Variants in TG observed in about 807,000 individuals in gnomAD.
The protein encoded by TG is thyroglobulin, also known as thyroid hormones.
TG carries 270 observed loss-of-function variants against 324.7 expected under a neutral mutation model. The observed-to-expected ratio is 0.83, with a 90% CI of 0.75 to 0.92. The LOEUF is 0.92. Ranked by LOEUF, TG falls within the 40% of genes least tolerant of loss-of-function variation. The pLI is 0.00. For synonymous variants in TG, 1,401 were observed against 1,327.0 expected (o/e 1.06, Z -1.21); for missense variants, 3,591 against 3,456.4 (o/e 1.04, Z -0.98).
At chr8:132,890,531 A>C (rs950422359) in intron 10 of TG, among the ~76,000 whole-genome samples, 7 of 152,182 alleles carry the variant, frequency 4.6e-5, no homozygotes, top group Non-Finnish European at 8.8e-5. Flanking sequence ...GGGGAATTCA[A>C]TGCAGCCAAA....
Position 132,898,787 on chromosome 8 carries a change from C to G in TG, c.3218-11C>G, listed in dbSNP as rs367874685. On this transcript the variant is annotated splice_polypyrimidine_tract_variant and intron_variant, in intron 13 of 47. Transcript: ENST00000220616. ...CGACCAGTCCTTTACAAGCACCTCT[C>G]TCTCCCACAGGCCCGACAACCTGCG... is the stretch of plus-strand genomic sequence containing the variant. 1.2e-4 allele frequency: 187 copies of G among 1,613,306 alleles called. No homozygotes were observed. In the African/African-American group the frequency reaches 2.3e-3, roughly 20 times the overall value.
At chr8:133,020,362 C>T (rs1016766639) in intron 39 of TG, among the ~76,000 whole-genome samples, 1 of 152,354 alleles carries the variant, frequency 6.6e-6, no homozygotes. Flanking sequence ...AGGGGCCAGC[C>T]TCCTGGACAC....
chr8:133,002,912 A>G, intron 35 of TG: 1 of 779,498 alleles, frequency 1.3e-6, no homozygotes, highest in Non-Finnish European at 1.6e-6. Flanking sequence ...CCATGGTAAC[A>G]CCTGTGGGTT....
intron 8 of TG, among the ~76,000 whole-genome samples, chr8:132,885,080 T>C (rs1815192622): frequency 6.6e-6 from 1 of 150,580 alleles, no homozygotes; most frequent in Non-Finnish European, 1.5e-5. Flanking sequence ...TTGGCTGACT[T>C]TCTTTTTGGC....
Position 132,886,934 on chromosome 8 carries a change from C to A in TG, c.1562C>A (p.Pro521Gln). The A allele has an allele frequency of 6.2e-7, 1 of 1,614,184 alleles. No individual in the cohort carries two copies. The highest frequency in any genetic ancestry group is 1.3e-5 in the African/African-American group (1 of 75,052). Residue 521 changes from proline to glutamine, a missense_variant, in exon 9 of 48, where the codon CCA (proline) becomes CAA (glutamine). Transcript: ENST00000220616. Reference sequence around the variant, plus strand: ...GGGAGACAAGAAGATTTGGCCAAGCCACTCTCTGTGGGATTAGATTCAAAT... The same window carrying A: ...GGGAGACAAGAAGATTTGGCCAAGCAACTCTCTGTGGGATTAGATTCAAAT... ...NGGRQEDLAK[P>Q]LSVGLDSNSS...
At chr8:133,100,807 C>CT (rs1462651814) in intron 43 of TG, among the ~76,000 whole-genome samples, 1 of 152,012 alleles carries the variant, frequency 6.6e-6, no homozygotes, top group Non-Finnish European at 1.5e-5. Context: ...TACCCACATT[C>CT]TTTTTTTTCT....
chr8:132,965,392 A>G (rs1299656052), intron 29 of TG, among the ~76,000 whole-genome samples: 1 of 152,194 alleles, frequency 6.6e-6, no homozygotes, highest in African/African-American at 2.4e-5. Context: ...TGCTTTATGA[A>G]GTGTGGAAAA....
chr8:133,058,421 A>C (rs1841856977), intron 41 of TG, among the ~76,000 whole-genome samples: 1 of 152,218 alleles, frequency 6.6e-6, no homozygotes, highest in Non-Finnish European at 1.5e-5. Flanking sequence ...AACTTATTTC[A>C]TGACAATTTG....
intron 43 of TG, among the ~76,000 whole-genome samples, chr8:133,107,988 T>C (rs201617808): frequency 3.3e-4 from 26 of 78,122 alleles, no homozygotes; most frequent in South Asian, 1.2e-3. Context: ...TCTTCTTTTT[T>C]TTTTTTTTTT....
chr8:133,086,225 G>GCTAATGGGTACAGAATTTCTTT, intron 41 of TG, among the ~76,000 whole-genome samples: 1 of 152,172 alleles, frequency 6.6e-6, no homozygotes, highest in African/African-American at 2.4e-5. Flanking sequence ...GGGAATGACT[G>GCTAATGGGTACAGAATTTCTTT]CTAATGGGTA....
At chr8:133,013,541 G>T in intron 36 of TG, 59 bp from the exon 37 acceptor site, 1 of 1,602,358 alleles carries the variant, frequency 6.2e-7, no homozygotes, top group Non-Finnish European at 8.5e-7. Context: ...CTGGAAGAAT[G>T]CATGAGTGAA....
At chr8:132,981,945 G>A (rs1397982378) in intron 34 of TG, among the ~76,000 whole-genome samples, 1 of 152,170 alleles carries the variant, frequency 6.6e-6, no homozygotes, top group Non-Finnish European at 1.5e-5. Flanking sequence ...TGGATGTGAG[G>A]CGACCCACGC....
intron 5 of TG, among the ~76,000 whole-genome samples, chr8:132,875,826 G>A (rs941934812): frequency 6.6e-6 from 1 of 152,200 alleles, no homozygotes; most frequent in Non-Finnish European, 1.5e-5. Context: ...GTTACTGGAA[G>A]CCCAGCTGTA....
At chr8:132,965,029 T>A (rs932159728) in intron 29 of TG, 4 of 672,752 alleles carry the variant, frequency 5.9e-6, no homozygotes, top group Non-Finnish European at 1.1e-5. Flanking sequence ...GTTTCTCTTC[T>A]CTTTCTGCTT....
intron 41 of TG, among the ~76,000 whole-genome samples, chr8:133,070,482 T>A (rs1054986908): frequency 6.6e-6 from 1 of 152,186 alleles, no homozygotes; most frequent in Non-Finnish European, 1.5e-5. Flanking sequence ...AAGAACATAC[T>A]GTTTTATAGA....
In TG at chr8:132,926,974, T is replaced by TA. The variant is rs572050254; in HGVS notation, c.4700-2096dup. Among the ~76,000 whole-genome samples the TA allele has an allele frequency of 5.3e-5, 8 of 152,286 alleles. No homozygotes were observed. In the East Asian group the frequency reaches 1.3e-3, roughly 26 times the overall value. On this transcript the variant is annotated intron_variant, in intron 22 of 47. Transcript: ENST00000220616. ...TTCCTTTGTTTACTTGCAGAGTTAG[T>TA]AAAAAATATTTCCACCTTGCTCACT...
intron 40 of TG, among the ~76,000 whole-genome samples, chr8:133,025,289 G>A (rs565173716): frequency 1.5e-4 from 23 of 152,346 alleles, no homozygotes; most frequent in African/African-American, 4.8e-4. Flanking sequence ...GCCCTGCAGA[G>A]GCCAACAGGA....
chr8:133,045,556 A>G (rs1435466440), intron 41 of TG, among the ~76,000 whole-genome samples: 1 of 151,732 alleles, frequency 6.6e-6, no homozygotes, highest in Non-Finnish European at 1.5e-5. Context: ...CACCACGCCC[A>G]GTTAATTCTT....
At chr8:132,993,860 A>G (rs935759642) in intron 35 of TG, among the ~76,000 whole-genome samples, 1 of 152,246 alleles carries the variant, frequency 6.6e-6, no homozygotes, top group Non-Finnish European at 1.5e-5. Context: ...AAAACCTACC[A>G]TTTGGATTTG....
Sources: allele counts gnomAD v4.1 joint callset (sites outside exome capture counted in the v4.1 genomes callset), GRCh38; gene constraint gnomAD v4.1.1; transcripts MANE v1.5; gene names NCBI Gene and HGNC (gene_info 2026-07-23, HGNC 2026-07-21).